The following ZBP1 variants were observed in gnomAD, a reference collection of about 807,000 sequenced individuals.
The protein encoded by ZBP1 is Z-DNA-binding protein 1.
Under a neutral mutation model 41.1 loss-of-function variants are expected in ZBP1, and 42 were observed. The ratio of observed to expected loss-of-function variants is 1.02; its 90% CI spans 0.80 to 1.32. The LOEUF (loss-of-function observed/expected upper bound fraction) is 1.32. Among genes scored for constraint, ZBP1 ranks in the 40% most tolerant of loss-of-function variants. The pLI is 0.00. For synonymous variants in ZBP1, 214 were observed against 205.2 expected, an observed-to-expected ratio of 1.04 and a Z score of -0.37; for missense variants, 562 against 549.7, an observed-to-expected ratio of 1.02 and a Z score of -0.22.
rs576620878 is a variant in ZBP1, at chr20:57,604,273, G to C, written c.*300C>G. 2 of 537,710 alleles carry C rather than the reference G, an allele frequency of 3.7e-6. No homozygotes were observed. Among genetic ancestry groups the C allele is most frequent in the East Asian group, 4.3e-5 (1 of 23,326 alleles). 33.3% of individuals were successfully genotyped at this position (537,710 alleles called of 1,614,324 possible). A position where few individuals can be genotyped will look rare whatever the true frequency, so the allele number is the denominator to read the frequency against. ...CTCCAGGCAGATGCCCCGAGCCCAG[G>C]AAAGAGTGGAGAGAGTCCCCTGGGC... On this transcript the variant is annotated 3_prime_UTR_variant, in exon 8 of 8. Coordinates refer to ENST00000371173, the MANE Select transcript of ZBP1 (RefSeq NM_030776.3).
In ZBP1 at chr20:57,611,828, T is replaced by C. The variant is rs2865394; in HGVS notation, c.773A>G (p.Gln258Arg). 0.99 allele frequency: 1,595,379 copies of C among 1,608,294 alleles called. 791,290 individuals carry two copies. Among genetic ancestry groups the C allele is most frequent in the East Asian group, 1 (44,681 of 44,682 alleles). ...CAGCTGCACCCGTCTCAGTATGGAC[T>C]GCTCCATGTGGATGTCCTGGGGCCC... is the stretch of plus-strand genomic sequence containing the variant. ...PWGPQDIHME[Q>R]SILRRVQLGH... The change falls in exon 6 of 8, where the codon CAG becomes CGG. Residue 258 changes from glutamine to arginine, a missense_variant. By Grantham distance (43) the Gln-to-Arg change is conservative (BLOSUM62 1). Coordinates refer to ENST00000371173, the MANE Select transcript of ZBP1 (RefSeq NM_030776.3).
chr20:57,615,391 C>A, intron 3 of ZBP1, 121 bp downstream of exon 3: 1 of 1,062,538 alleles, frequency 9.4e-7, no homozygotes, highest in Non-Finnish European at 1.4e-6. Context: ...ATGGGAGCTG[C>A]CTGGTGGGTG....
In ZBP1 at chr20:57,619,849, T is replaced by C. The variant is rs559482001; in HGVS notation, c.34+413A>G. On this transcript the variant is annotated intron_variant, in intron 1 of 7. Transcript: ENST00000371173. ...CTGTCCCTTTCTATTTTTTTTTTTT[T>C]TTTCTGAGATGGAATCTCACTCTGT... Among the ~76,000 whole-genome samples the C allele has an allele frequency of 7.9e-5, 12 of 151,914 alleles. No individual in the cohort carries two copies. The South Asian group carries it at 1.9e-3, about 24-fold the overall frequency.
chr20:57,620,145 T>C lies in ZBP1; in HGVS notation c.34+117A>G. On this transcript the variant is annotated intron_variant, in intron 1 of 7. Coordinates refer to ENST00000371173, the MANE Select transcript of ZBP1 (RefSeq NM_030776.3). ...GCCACCACGCCCAGCTGGTCTACTATTCTTTAGGATACTGCTATTGTCATC... is the reference window on the plus strand; with the variant it reads ...GCCACCACGCCCAGCTGGTCTACTACTCTTTAGGATACTGCTATTGTCATC... The C allele has an allele frequency of 3.1e-6, 4 of 1,284,056 alleles. No homozygotes were observed. In the South Asian group the frequency reaches 3.9e-5, roughly 13 times the overall value. 79.5% of individuals were successfully genotyped at this position (1,284,056 alleles called of 1,614,324 possible).
chr20:57,604,712 G>C lies in ZBP1; in HGVS notation c.1151C>G (p.Pro384Arg), dbSNP rs1484131852. Residue 384 changes from proline to arginine, a missense_variant, in exon 8 of 8, where the codon CCC (proline) becomes CGC (arginine). Pro to Arg is a moderately radical substitution (Grantham distance 103, BLOSUM62 -2). Transcript: ENST00000371173. ...RSHFPRDIGQ[P>R]ITPSHSKLTP... is the part of the protein sequence containing the mutation. ...GAGCTTCGAGTGGCTGGGAGTGATG[G>C]GCTGACCAATGTCTCGAGGAAAGTG... 6.2e-7 allele frequency: 1 copy of C among 1,614,134 alleles called. No homozygotes were observed. The highest frequency in any genetic ancestry group is 1.3e-5 in the African/African-American group (1 of 75,026).
Position 57,613,854 on chromosome 20 carries a change from G to A in ZBP1, c.503-524C>T, listed in dbSNP as rs1162066149. 4.6e-5 allele frequency among the ~76,000 whole-genome samples: 7 copies of A among 152,190 alleles called. No homozygotes were observed. Among genetic ancestry groups the A allele is most frequent in the South Asian group, 2.1e-4 (1 of 4,828 alleles). On this transcript the variant is annotated intron_variant, in intron 4 of 7. Coordinates refer to ENST00000371173, the MANE Select transcript of ZBP1 (RefSeq NM_030776.3). The surrounding 1 kb of genome is among the most constrained non-coding windows in gnomAD (Gnocchi z 4.5). Reference sequence around the variant, plus strand: ...GATGCTGAGACCCCCTCGGGCACCCGTCATGAGTAGCAGAGTCAGCCCTGC... The same window carrying A: ...GATGCTGAGACCCCCTCGGGCACCCATCATGAGTAGCAGAGTCAGCCCTGC...
At chr20:57,615,484 G>A in intron 3 of ZBP1, 28 bp downstream of exon 3, 1 of 1,611,058 alleles carries the variant, frequency 6.2e-7, no homozygotes, top group Non-Finnish European at 8.5e-7. Context: ...CTGTGTCCCG[G>A]GAACTGAAGG....
Position 57,604,575 on chromosome 20 carries a change from A to G in ZBP1, c.1288T>C (p.Ter430GlnextTer61). Residue 430 changes from the stop codon to glutamine, a stop_lost, in exon 8 of 8, where the codon TAG becomes CAG. Transcript: ENST00000371173. The part of the protein sequence containing the change: ...HEGSWWGGGI[*>Q] ...CAAGCCCCACGTGAGGCTGTGCACTAAATCCCACCTCCCCACCAGCTCCCC... is the reference window on the plus strand; with the variant it reads ...CAAGCCCCACGTGAGGCTGTGCACTGAATCCCACCTCCCCACCAGCTCCCC... 1 of 1,612,952 alleles carries G rather than the reference A, an allele frequency of 6.2e-7. No individual in the cohort carries two copies. Among genetic ancestry groups the G allele is most frequent in the Non-Finnish European group, 8.5e-7 (1 of 1,179,286 alleles).
intron 7 of ZBP1, among the ~76,000 whole-genome samples, chr20:57,609,047 C>T (rs1240151938): frequency 1.3e-5 from 2 of 152,234 alleles, no homozygotes; most frequent in Admixed American, 6.5e-5. Flanking sequence ...TTCCAATTGC[C>T]TTAGCATCGA....
rs773956461 is a variant in ZBP1 at position 57,613,211 on chromosome 20, T to G, written c.622A>C (p.Ile208Leu). Residue 208 changes from isoleucine (I) to leucine (L), a missense_variant, in exon 5 of 8, where the codon ATT (isoleucine) becomes CTT (leucine). Ile to Leu is a conservative substitution (Grantham distance 5). Coordinates refer to ENST00000371173, the MANE Select transcript of ZBP1 (RefSeq NM_030776.3). This position sits in a 1 kb window ranked among gnomAD's most constrained non-coding sequence, Gnocchi z 4.5. ...ISIANSEAIQ[I>L]GHGNIITRQT... ...CTTGTAATGATGTTCCCGTGTCCAA[T>G]CTGGATGGCTTCGGAGTTTGCAATG... The G allele has an allele frequency of 6.2e-7, 1 of 1,614,248 alleles. No homozygotes were observed. Among genetic ancestry groups the G allele is most frequent in the South Asian group, 1.1e-5 (1 of 91,082 alleles).
In ZBP1 at chr20:57,616,338, C is replaced by T. The variant is rs1427621987; in HGVS notation, c.165G>A (p.Glu55=). The change falls in exon 2 of 8, where the codon GAG becomes GAA. Residue 55 remains glutamate, a synonymous_variant. Coordinates refer to ENST00000371173, the MANE Select transcript of ZBP1 (RefSeq NM_030776.3). ...CAGGGGATGTGAGGGAGACTTTCAA[C>T]TCCTTTTTCATTCGGTAGAGGACTT... is the stretch of plus-strand genomic sequence containing the variant. ...LNQVLYRMKK[E]LKVSLTSPAT... 1 of 1,614,208 alleles carries T rather than the reference C, an allele frequency of 6.2e-7. No homozygotes were observed. Among genetic ancestry groups the T allele is most frequent in the African/African-American group, 1.3e-5 (1 of 75,050 alleles).
chr20:57,618,568 G>A (rs1189675436), intron 1 of ZBP1, among the ~76,000 whole-genome samples: 1 of 152,186 alleles, frequency 6.6e-6, no homozygotes, highest in Non-Finnish European at 1.5e-5. Flanking sequence ...GCTTCACCTT[G>A]TCTCGCAGAG....
At chr20:57,615,628 C>T (rs776871600) in intron 2 of ZBP1, 48 bp from the exon 3 acceptor site, 6 of 1,554,668 alleles carry the variant, frequency 3.9e-6, no homozygotes, top group Non-Finnish European at 5.3e-6. Flanking sequence ...GAAGACAGCA[C>T]CAGGCCTCCA....
At position 57,610,447 on chromosome 20, in the gene ZBP1, C is replaced by A. The variant is rs1340157229; in HGVS notation, c.875-80G>T. The A allele has an allele frequency of 3.2e-5, 47 of 1,488,220 alleles. No homozygotes were observed. Among genetic ancestry groups the A allele is most frequent in the Non-Finnish European group, 4.2e-5 (45 of 1,075,410 alleles). The allele number at this position is 1,488,220 out of a possible 1,614,324, so 92.2% of individuals were successfully genotyped here. On this transcript the variant is annotated intron_variant, in intron 6 of 7. Coordinates refer to ENST00000371173, the MANE Select transcript of ZBP1 (RefSeq NM_030776.3). The surrounding 1 kb of genome is among the most constrained non-coding windows in gnomAD (Gnocchi z 5.5). ...GAACCCTGACCCCCAGCCTGGTTCACCCTCCTCCCCAGATCTCCCACCAGT... is the reference window on the plus strand; with the variant it reads ...GAACCCTGACCCCCAGCCTGGTTCAACCTCCTCCCCAGATCTCCCACCAGT...
chr20:57,611,644 C>T (rs1042427039), intron 6 of ZBP1, 83 bp downstream of exon 6: 7 of 1,419,260 alleles, frequency 4.9e-6, no homozygotes, highest in South Asian at 1.3e-5. Context: ...TGCTTCTCTT[C>T]CCAAAAAGAT....
intron 3 of ZBP1, 38 bp from the exon 4 acceptor site, chr20:57,615,098 C>A (rs1192046410): frequency 6.2e-7 from 1 of 1,609,726 alleles, no homozygotes; most frequent in Admixed American, 1.7e-5. Flanking sequence ...GGGAGTAGTC[C>A]TAGGGTTTGC....
rs1034004615 is a variant in ZBP1 at position 57,620,107 on chromosome 20, A to G, written c.34+155T>C. On this transcript the variant is annotated intron_variant, in intron 1 of 7. Coordinates refer to ENST00000371173, the MANE Select transcript of ZBP1 (RefSeq NM_030776.3). ...CTACCTCGCCTCCCAAAGTGCTGGG[A>G]TTACAGGCGTGAGCCACCACGCCCA... 3.4e-6 allele frequency: 3 copies of G among 876,350 alleles called. No homozygotes were observed. The African/African-American group carries it at 5.1e-5, about 15-fold the overall frequency. The allele number at this position is 876,350 out of a possible 1,614,324, so 54.3% of individuals were successfully genotyped here.
chr20:57,614,904 C>G lies in ZBP1; in HGVS notation c.485G>C (p.Trp162Ser). ...LLDMDEQSKA[W>S]TIYRPEDSGR... ...GGGCCTACCTGGGCGGTAAATCGTC[C>G]ATGCTTTGGACTGCTCATCCATGTC... is the stretch of plus-strand genomic sequence containing the variant. Residue 162 changes from tryptophan (W) to serine (S), a missense_variant, in exon 4 of 8, where the codon TGG becomes TCG. By Grantham distance (177) the Trp-to-Ser change is radical. Coordinates refer to ENST00000371173, the MANE Select transcript of ZBP1 (RefSeq NM_030776.3). 4 of 1,614,196 alleles carry G rather than the reference C, an allele frequency of 2.5e-6. No homozygotes were observed. The highest frequency in any genetic ancestry group is 3.4e-6 in the Non-Finnish European group (4 of 1,180,034).
chr20:57,611,619 AG>A (rs1407144721), intron 6 of ZBP1, 107 bp downstream of exon 6: 1 of 1,256,912 alleles, frequency 8.0e-7, no homozygotes, highest in Non-Finnish European at 1.1e-6. Flanking sequence ...GTGGAAGGAA[AG>A]GAATTTCCCA....
Sources: gnomAD v4.1 joint callset for allele counts (sites outside exome capture counted in the v4.1 genomes callset) on GRCh38, gnomAD v4.1.1 for gene constraint, Gnocchi (gnomAD v3.1) non-coding constraint, MANE v1.5 for transcripts, NCBI Gene and HGNC (gene_info 2026-07-23, HGNC 2026-07-21) for gene names.